HDX: variants seen among roughly 807,000 people sequenced by gnomAD.
HDX encodes highly divergent homeobox.
HDX carries 19 observed loss-of-function variants against 45.2 expected under a neutral mutation model. The observed-to-expected ratio is 0.42, with a 90% CI of 0.29 to 0.62. The LOEUF is 0.62. Among genes scored for constraint, HDX ranks in the 20% least tolerant of loss-of-function variants. The pLI, the probability that HDX is intolerant of heterozygous loss-of-function variation, is 0.20. For synonymous variants in HDX, 188 were observed against 172.8 expected, an observed-to-expected ratio of 1.09 and a Z score of -0.69; for missense variants, 532 against 493.9, an observed-to-expected ratio of 1.08 and a Z score of -0.73.
chrX:84,332,398 C>T (rs767331433), intron 9 of HDX, among the ~76,000 whole-genome samples: 2 of 111,420 alleles, frequency 1.8e-5, no homozygotes, highest in South Asian at 7.5e-4. Context: ...TAATACAATG[C>T]TCTTGAGAGT....
chrX:84,473,026 GA>G (rs34945289), intron 3 of HDX, among the ~76,000 whole-genome samples: 51,180 of 105,671 alleles, frequency 0.48, 10,282 homozygotes, highest in African/African-American at 0.73. Flanking sequence ...ATATTCATAG[GA>G]AAAAAAAGAA....
Position 84,426,199 on chromosome X carries a change from G to A in HDX, c.1305+14333C>T, listed in dbSNP as rs758684060. On this transcript the variant is annotated intron_variant, in intron 5 of 10. Coordinates refer to ENST00000373177, the MANE Select transcript of HDX (RefSeq NM_001177479.2). ...TGTATGTGGAGAAAAGGGAACTCTC[G>A]TACACTAGGAGTGAGAATGTATATT... Among the ~76,000 whole-genome samples, 4 of 110,895 alleles carry A rather than the reference G, an allele frequency of 3.6e-5. No individual in the cohort carries two copies. In the East Asian group the frequency reaches 8.5e-4, roughly 24 times the overall value.
chrX:84,438,442 A>G (rs1361061059), intron 5 of HDX, among the ~76,000 whole-genome samples: 6 of 110,546 alleles, frequency 5.4e-5, no homozygotes, highest in Non-Finnish European at 1.1e-4. Context: ...GTACATGTGC[A>G]TGAGTAAATT....
chrX:84,480,624 G>A (rs1428602074), intron 2 of HDX, among the ~76,000 whole-genome samples: 3 of 111,177 alleles, frequency 2.7e-5, no homozygotes, highest in Non-Finnish European at 5.7e-5. Context: ...TGAAATGATT[G>A]TATAGTTTTT....
At chrX:84,433,354 G>A (rs2039548975) in intron 5 of HDX, among the ~76,000 whole-genome samples, 1 of 111,500 alleles carries the variant, frequency 9.0e-6, no homozygotes, top group African/African-American at 3.3e-5. Context: ...TCCATTTGTA[G>A]TTGATTTTTA....
intron 1 of HDX, among the ~76,000 whole-genome samples, chrX:84,488,346 CACACA>C (rs2148190158): frequency 9.1e-6 from 1 of 110,030 alleles, no homozygotes; most frequent in Admixed American, 9.8e-5. Context: ...CACACACACA[CACACA>C]CACACACACA....
Position 84,368,711 on chromosome X carries a change from A to T in HDX, c.1306-7099T>A, listed in dbSNP as rs182135600. ...CACTGTTGTGCCACCCATCTCTAGA[A>T]CTTTTTCATATCCATTAAACCAGCA... is the stretch of plus-strand genomic sequence containing the variant. On this transcript the variant is annotated intron_variant, in intron 5 of 10. Coordinates refer to ENST00000373177, the MANE Select transcript of HDX (RefSeq NM_001177479.2). Among the ~76,000 whole-genome samples, 281 of 111,746 alleles carry T rather than the reference A, an allele frequency of 2.5e-3. 2 individuals are homozygous for T. Among genetic ancestry groups the T allele is most frequent in the African/African-American group, 8.8e-3 (272 of 30,796 alleles).
chrX:84,483,578 T>A (rs1277739697), intron 2 of HDX, among the ~76,000 whole-genome samples: 1 of 112,111 alleles, frequency 8.9e-6, no homozygotes, highest in Non-Finnish European at 1.9e-5. Context: ...GAAACCATTT[T>A]TTCTTTGTAG....
intron 5 of HDX, among the ~76,000 whole-genome samples, chrX:84,428,262 C>T (rs1237019670): frequency 9.0e-6 from 1 of 110,569 alleles, no homozygotes; most frequent in Non-Finnish European, 1.9e-5. Context: ...TATAAAATAA[C>T]TTCATTGCAG....
At chrX:84,499,927 C>T (rs940198467) in intron 1 of HDX, 1 of 111,721 alleles carries the variant, frequency 9.0e-6, no homozygotes, top group African/African-American at 3.3e-5. Flanking sequence ...CAGGAATAAT[C>T]AATATAAGAT....
chrX:84,480,966 A>T (rs2040664885), intron 2 of HDX, among the ~76,000 whole-genome samples: 1 of 111,274 alleles, frequency 9.0e-6, no homozygotes, highest in Non-Finnish European at 1.9e-5. Flanking sequence ...AAACCATCTG[A>T]ACATGGAGTT....
At chrX:84,424,901 C>T (rs1287059364) in intron 5 of HDX, among the ~76,000 whole-genome samples, 1 of 110,087 alleles carries the variant, frequency 9.1e-6, no homozygotes, top group Non-Finnish European at 1.9e-5. Flanking sequence ...GGAAATTTGT[C>T]TGGGCAAAAA....
intron 4 of HDX, among the ~76,000 whole-genome samples, chrX:84,457,089 C>T (rs2040127864): frequency 8.9e-6 from 1 of 111,766 alleles, no homozygotes; most frequent in Admixed American, 9.5e-5. Flanking sequence ...CCCCTCAGCA[C>T]AAGGATCATT....
intron 5 of HDX, among the ~76,000 whole-genome samples, chrX:84,410,026 C>G (rs2038946868): frequency 1.0e-5 from 1 of 98,094 alleles, no homozygotes; most frequent in African/African-American, 3.8e-5. Flanking sequence ...TCACTCCAGC[C>G]TGGGTGACAG....
At position 84,409,269 on chromosome X, in the gene HDX, C is replaced by T. The variant is rs372509098; in HGVS notation, c.1305+31263G>A. 5.4e-5 allele frequency among the ~76,000 whole-genome samples: 6 copies of T among 110,829 alleles called. No homozygotes were observed. In the East Asian group the frequency reaches 8.7e-4, roughly 16 times the overall value. ...GAGAAATAGGGACACTTTTACACTG[C>T]TGGTGGGACTGTAAACTAGTTCAAC... On this transcript the variant is annotated intron_variant, in intron 5 of 10. Transcript: ENST00000373177.
chrX:84,460,053 C>G (rs2040204650), intron 4 of HDX, among the ~76,000 whole-genome samples: 1 of 111,262 alleles, frequency 9.0e-6, no homozygotes, highest in Non-Finnish European at 1.9e-5. Context: ...CAAAAAGTCT[C>G]CCAGCAAAGA....
intron 7 of HDX, among the ~76,000 whole-genome samples, chrX:84,339,284 G>A (rs1286441971): frequency 9.0e-6 from 1 of 111,296 alleles, no homozygotes; most frequent in Non-Finnish European, 1.9e-5. Context: ...CAATTCCTAT[G>A]TAATCAGCAA....
In HDX at chrX:84,421,939, G is replaced by C. The variant is rs180999471; in HGVS notation, c.1305+18593C>G. ...ATATTACAGCTAAAGAGAGAGATGG[G>C]TTCCAATACAGTAATAATTGGAGAC... On this transcript the variant is annotated intron_variant, in intron 5 of 10. Transcript: ENST00000373177. Among the ~76,000 whole-genome samples, 206 of 109,835 alleles carry C rather than the reference G, an allele frequency of 1.9e-3. 1 individual carries two copies. The highest frequency in any genetic ancestry group is 3.1e-3 in the Non-Finnish European group (161 of 52,611).
intron 5 of HDX, among the ~76,000 whole-genome samples, chrX:84,363,984 C>T (rs781154349): frequency 1.8e-5 from 2 of 111,555 alleles, no homozygotes; most frequent in Non-Finnish European, 3.8e-5. Flanking sequence ...GATAACTGTA[C>T]TTAACAAGTG....
Sources: gnomAD v4.1 joint callset for allele counts (sites outside exome capture counted in the v4.1 genomes callset) on GRCh38, gnomAD v4.1.1 for gene constraint, MANE v1.5 for transcripts, NCBI Gene and HGNC (gene_info 2026-07-23, HGNC 2026-07-21) for gene names.